The following ROBO1 variants were observed in gnomAD, a reference collection of about 807,000 sequenced individuals.
ROBO1 encodes roundabout guidance receptor 1.
ROBO1 carries 149 observed loss-of-function variants against 195.9 expected under a neutral mutation model. That is an observed-to-expected ratio of 0.76 (90% CI 0.67 to 0.87). The LOEUF (loss-of-function observed/expected upper bound fraction) is 0.87, where lower values mean the gene tolerates loss of function less well. Among genes scored for constraint, ROBO1 ranks in the 40% least tolerant of loss-of-function variants. The pLI is 0.00. For missense variants in ROBO1, 1,933 were observed against 2,068.3 expected, an observed-to-expected ratio of 0.93 and a Z score of 1.27; for synonymous variants, 816 against 733.2, an observed-to-expected ratio of 1.11 and a Z score of -1.82.
intron 18 of ROBO1, among the ~76,000 whole-genome samples, chr3:78,653,961 G>C (rs1039903262): frequency 3.9e-5 from 6 of 152,190 alleles, no homozygotes; most frequent in Non-Finnish European, 7.3e-5. Flanking sequence ...TGTGCAAAGA[G>C]AGACTTTAAG....
chr3:79,455,643 C>T (rs139000932), intron 2 of ROBO1, among the ~76,000 whole-genome samples: 2,563 of 152,116 alleles, frequency 0.017, 31 homozygotes, highest in Middle Eastern at 0.031. Flanking sequence ...CTATTTGACT[C>T]GTGGGTTGTT....
intron 4 of ROBO1, among the ~76,000 whole-genome samples, chr3:78,898,463 C>T (rs2037387015): frequency 6.9e-6 from 1 of 144,986 alleles, no homozygotes; most frequent in South Asian, 2.3e-4. Context: ...TCTCGGCTCA[C>T]TGCAACCTCC....
At chr3:78,774,460 G>A (rs1163932821) in intron 4 of ROBO1, among the ~76,000 whole-genome samples, 1 of 151,994 alleles carries the variant, frequency 6.6e-6, no homozygotes, top group African/African-American at 2.4e-5. Context: ...ACAGGCGCCT[G>A]CCACCACGCC....
At chr3:78,877,997 C>G (rs569424808) in intron 4 of ROBO1, among the ~76,000 whole-genome samples, 1 of 152,238 alleles carries the variant, frequency 6.6e-6, no homozygotes, top group Non-Finnish European at 1.5e-5. Context: ...GCCTCTTGAA[C>G]CTGCTGGATG....
Position 78,680,451 on chromosome 3 carries a change from T to C in ROBO1, c.1342+5295A>G, listed in dbSNP as rs536431814. On this transcript the variant is annotated intron_variant, in intron 10 of 30. Transcript: ENST00000464233. ...CTACTCATCTGACAAAGGGCTAATATCCGGAATCTACAATGAACTCCAACA... is the reference window on the plus strand; with the variant it reads ...CTACTCATCTGACAAAGGGCTAATACCCGGAATCTACAATGAACTCCAACA... 3.3e-5 allele frequency among the ~76,000 whole-genome samples: 5 copies of C among 151,904 alleles called. No homozygotes were observed. The East Asian group carries it at 5.8e-4, about 18-fold the overall frequency.
intron 2 of ROBO1, among the ~76,000 whole-genome samples, chr3:79,248,764 G>A (rs1449984844): frequency 6.6e-6 from 1 of 152,116 alleles, no homozygotes; most frequent in Non-Finnish European, 1.5e-5. Context: ...TTTAAGCAGT[G>A]TTTTGGAGAG....
chr3:79,491,627 C>T (rs1477099050), intron 2 of ROBO1, among the ~76,000 whole-genome samples: 3 of 152,086 alleles, frequency 2.0e-5, no homozygotes, highest in Non-Finnish European at 4.4e-5. Flanking sequence ...TTTTTATCTT[C>T]TAGAGTGAAA....
chr3:78,766,846 A>G (rs1488778018), intron 4 of ROBO1, among the ~76,000 whole-genome samples: 1 of 152,192 alleles, frequency 6.6e-6, no homozygotes, highest in Non-Finnish European at 1.5e-5. Flanking sequence ...GGATTTTGTC[A>G]GATGCTTTTT....
intron 2 of ROBO1, among the ~76,000 whole-genome samples, chr3:79,300,188 C>T (rs1240152469): frequency 6.6e-6 from 1 of 152,156 alleles, no homozygotes; most frequent in East Asian, 1.9e-4. Context: ...AAGGCCGAGC[C>T]GGCTCCCTCA....
At chr3:79,281,434 T>C (rs2031499687) in intron 2 of ROBO1, among the ~76,000 whole-genome samples, 1 of 152,158 alleles carries the variant, frequency 6.6e-6, no homozygotes, top group African/African-American at 2.4e-5. Flanking sequence ...GGAATACTTT[T>C]TATCTTTTTC....
intron 3 of ROBO1, among the ~76,000 whole-genome samples, chr3:79,048,452 A>G (rs1027403912): frequency 1.3e-5 from 2 of 151,928 alleles, no homozygotes; most frequent in Non-Finnish European, 2.9e-5. Context: ...TGCCGTAATG[A>G]TTCTCTTGTA....
chr3:79,763,953 C>T (rs781310925), intron 1 of ROBO1, among the ~76,000 whole-genome samples: 43 of 152,126 alleles, frequency 2.8e-4, no homozygotes, highest in Non-Finnish European at 4.4e-4. Context: ...GAGAATGGCT[C>T]CCTTAAAAGC....
Position 79,315,970 on chromosome 3 carries a change from C to T in ROBO1, c.89-190431G>A, listed in dbSNP as rs2033711552. ...TGAAAGAGTTGGAGAAAACCAGAGT[C>T]AAGTGGAAAAAGCTTGCCCTTGAAA... On this transcript the variant is annotated intron_variant, in intron 2 of 30. Coordinates refer to ENST00000464233, the MANE Select transcript of ROBO1 (RefSeq NM_002941.4). Among the ~76,000 whole-genome samples the T allele has an allele frequency of 2.0e-5, 3 of 152,210 alleles. No individual in the cohort carries two copies. In the South Asian group the frequency reaches 6.2e-4, roughly 32 times the overall value.
intron 2 of ROBO1, among the ~76,000 whole-genome samples, chr3:79,564,581 A>G (rs9838937): frequency 0.56 from 84,596 of 151,846 alleles, 24,540 homozygotes; most frequent in African/African-American, 0.73. Flanking sequence ...GAACTTAATG[A>G]TGCTATTATA....
At chr3:79,673,804 G>A (rs1014971842) in intron 1 of ROBO1, among the ~76,000 whole-genome samples, 1 of 151,860 alleles carries the variant, frequency 6.6e-6, no homozygotes, top group African/African-American at 2.4e-5. Context: ...AATAAGAAAA[G>A]TTACCTTTGG....
At chr3:79,252,735 A>G (rs977125281) in intron 2 of ROBO1, among the ~76,000 whole-genome samples, 1 of 152,230 alleles carries the variant, frequency 6.6e-6, no homozygotes, top group African/African-American at 2.4e-5. Context: ...AAGATTACTT[A>G]GGATTCTACT....
intron 2 of ROBO1, among the ~76,000 whole-genome samples, chr3:79,253,092 T>G (rs1274510220): frequency 6.6e-6 from 1 of 152,198 alleles, no homozygotes; most frequent in Admixed American, 6.5e-5. Flanking sequence ...ATACTTTTGT[T>G]TTTATCTATG....
chr3:79,678,979 ATTT>A (rs932464157), intron 1 of ROBO1, among the ~76,000 whole-genome samples: 22 of 152,002 alleles, frequency 1.4e-4, no homozygotes, highest in African/African-American at 4.8e-4. Flanking sequence ...AAGGTAATTA[ATTT>A]TTTTCTTTTT....
chr3:78,957,566 C>G (rs1015165095), intron 3 of ROBO1, among the ~76,000 whole-genome samples: 1 of 152,058 alleles, frequency 6.6e-6, no homozygotes. Flanking sequence ...CAAATGCCTT[C>G]GACAAAAATA....
Sources: allele counts gnomAD v4.1 joint callset (sites outside exome capture counted in the v4.1 genomes callset), GRCh38; gene constraint gnomAD v4.1.1; transcripts MANE v1.5; gene names NCBI Gene and HGNC (gene_info 2026-07-23, HGNC 2026-07-21).